HEYL: variants seen among roughly 807,000 people sequenced by gnomAD.
The protein encoded by HEYL is hes related family bHLH transcription factor with YRPW motif like, also known as hairy/enhancer-of-split related with YRPW motif-like protein.
HEYL carries 12 observed loss-of-function variants against 18.6 expected under a neutral mutation model. The observed-to-expected ratio is 0.65, with a 90% CI of 0.41 to 1.05. The LOEUF (loss-of-function observed/expected upper bound fraction) is 1.05. Among genes scored for constraint, HEYL ranks in the 50% least tolerant of loss-of-function variants. The pLI, the probability that HEYL is intolerant of heterozygous loss-of-function variation, is 0.00. For missense variants in HEYL, 420 were observed against 444.7 expected (o/e 0.94, Z 0.50); for synonymous variants, 159 against 179.6 (o/e 0.89, Z 0.91).
chr1:39,633,714 A>T (rs997955222), intron 1 of HEYL: 1 of 152,438 alleles, frequency 6.6e-6, no homozygotes, highest in Non-Finnish European at 1.5e-5. Context: ...ACATCTGAAC[A>T]GGAATCTGCA....
At chr1:39,636,582 C>T (rs1056695429) in intron 1 of HEYL, among the ~76,000 whole-genome samples, 1 of 152,176 alleles carries the variant, frequency 6.6e-6, no homozygotes, top group African/African-American at 2.4e-5. Flanking sequence ...GGCTTTTAAT[C>T]TGGGGCTTTT....
chr1:39,633,153 C>G (rs1646344417), intron 1 of HEYL: 1 of 980,822 alleles, frequency 1.0e-6, no homozygotes, highest in South Asian at 4.7e-5. Context: ...CCGGGCGCGC[C>G]GGCCGCCCGC....
Position 39,626,408 on chromosome 1 carries a change from G to T in HEYL, c.*99C>A. 8.8e-7 allele frequency: 1 copy of T among 1,130,620 alleles called. No homozygotes were observed. The highest frequency in any genetic ancestry group is 1.2e-6 in the Non-Finnish European group (1 of 816,130). 70.0% of individuals were successfully genotyped at this position (1,130,620 alleles called of 1,614,324 possible). A position where few individuals can be genotyped will look rare whatever the true frequency, so the allele number is the denominator to read the frequency against. On this transcript the variant is annotated 3_prime_UTR_variant, in exon 5 of 5. Transcript: ENST00000372852. ...CTGGAGAACGTGCCTTCACATATGA[G>T]CCAGTCCATGAAGCAAAGCAGAAAA...
intron 1 of HEYL, among the ~76,000 whole-genome samples, chr1:39,638,146 G>T (rs1348084829): frequency 6.6e-6 from 1 of 152,192 alleles, no homozygotes; most frequent in Non-Finnish European, 1.5e-5. Context: ...GTTGCATAGC[G>T]AGTTGTGTTA....
rs1231180254 is a variant in HEYL at position 39,625,923 on chromosome 1, G to C, written c.*584C>G. The C allele has an allele frequency of 6.5e-6, 1 of 152,760 alleles. No individual in the cohort carries two copies. The highest frequency in any genetic ancestry group is 1.5e-5 in the Non-Finnish European group (1 of 68,448). 9.5% of individuals were successfully genotyped at this position (152,760 alleles called of 1,614,324 possible). ...CCAGGCCTTGGCTGTGGTGGAGAAA[G>C]GGTCTGTCCTGTGGTTCAGTGTGAT... is the stretch of plus-strand genomic sequence containing the variant. On this transcript the variant is annotated 3_prime_UTR_variant, in exon 5 of 5. Coordinates refer to ENST00000372852, the MANE Select transcript of HEYL (RefSeq NM_014571.4).
intron 3 of HEYL, among the ~76,000 whole-genome samples, chr1:39,631,058 A>G (rs1293960183): frequency 2.6e-5 from 4 of 152,176 alleles, no homozygotes; most frequent in African/African-American, 9.7e-5. Context: ...TCCCCCACCT[A>G]ACATGCTCAA....
intron 1 of HEYL, among the ~76,000 whole-genome samples, chr1:39,638,670 C>G (rs1174241028): frequency 2.0e-5 from 3 of 152,228 alleles, no homozygotes; most frequent in Admixed American, 6.5e-5. Context: ...GGACCCAGGT[C>G]TGCAGACTCC....
rs558009686 is a variant in HEYL at position 39,627,926 on chromosome 1, G to GA, written c.314-747dup. 1.4e-4 allele frequency among the ~76,000 whole-genome samples: 21 copies of GA among 152,338 alleles called. 1 individual carries two copies. In the East Asian group the frequency reaches 3.9e-3, roughly 28 times the overall value. ...GTCCCTTGGCTCAAAAGGCAATCTG[G>GA]AAAGCAAGACCCCACTGTGATCCTC... is the stretch of plus-strand genomic sequence containing the variant. On this transcript the variant is annotated intron_variant, in intron 4 of 4. Transcript: ENST00000372852.
chr1:39,629,127 C>CA (rs995614540), intron 4 of HEYL, among the ~76,000 whole-genome samples: 56 of 152,330 alleles, frequency 3.7e-4, no homozygotes, highest in African/African-American at 1.3e-3. Flanking sequence ...CATTAGTTCA[C>CA]AGTCAGAAAA....
intron 4 of HEYL, 114 bp downstream of exon 4, chr1:39,630,113 A>G: frequency 1.2e-6 from 1 of 825,598 alleles, no homozygotes; most frequent in Non-Finnish European, 2.1e-6. Context: ...CCCTCCATTG[A>G]CTGAGCTCCT....
chr1:39,626,800 C>CTGGCAGG lies in HEYL; in HGVS notation c.687_693dup (p.Ala232ProfsTer92). On this transcript the variant is annotated frameshift_variant, in exon 5 of 5. Coordinates refer to ENST00000372852, the MANE Select transcript of HEYL (RefSeq NM_014571.4). LOFTEE classifies it low-confidence loss of function (END_TRUNC). ...CGACTGGGCAGCACATTCCTCCGGG[C>CTGGCAGG]TGGCAGGATGATGCCTGTGGCTCTG... 1 of 1,560,868 alleles carries CTGGCAGG rather than the reference C, an allele frequency of 6.4e-7. No individual in the cohort carries two copies. The highest frequency in any genetic ancestry group is 8.7e-7 in the Non-Finnish European group (1 of 1,152,128).
chr1:39,632,376 T>C (rs1646338193), intron 2 of HEYL, among the ~76,000 whole-genome samples: 1 of 152,232 alleles, frequency 6.6e-6, no homozygotes. Context: ...TCTGCTATTG[T>C]TTAGAGCATT....
Position 39,626,490 on chromosome 1 carries a change from G to A in HEYL, c.*17C>T. 1 of 1,496,842 alleles carries A rather than the reference G, an allele frequency of 6.7e-7. No individual in the cohort carries two copies. The highest frequency in any genetic ancestry group is 8.9e-7 in the Non-Finnish European group (1 of 1,125,204). The allele number at this position is 1,496,842 out of a possible 1,614,324, so 92.7% of individuals were successfully genotyped here. ...GAACCTTCCTTATTCCTTGGGGCGG[G>A]GTGGTGAAGGGGCAGCTCAGAAAGC... On this transcript the variant is annotated 3_prime_UTR_variant, in exon 5 of 5. Transcript: ENST00000372852.
At position 39,630,215 on chromosome 1, in the gene HEYL, G is replaced by C; in HGVS notation, c.313+12C>G. ...TGTATGAATGACGCCTGAAAGAGAA[G>C]AGCATGGGTACCTGTCCCACCAGTG... On this transcript the variant is annotated intron_variant, in intron 4 of 4. Coordinates refer to ENST00000372852, the MANE Select transcript of HEYL (RefSeq NM_014571.4). 6.2e-7 allele frequency: 1 copy of C among 1,610,534 alleles called. No homozygotes were observed. The highest frequency in any genetic ancestry group is 1.3e-5 in the African/African-American group (1 of 74,952).
chr1:39,638,974 A>C (rs966019031), intron 1 of HEYL, among the ~76,000 whole-genome samples: 1 of 152,210 alleles, frequency 6.6e-6, no homozygotes, highest in African/African-American at 2.4e-5. Context: ...GATAGGAGGA[A>C]CATTGGAATT....
rs1372141392 is a variant in HEYL at position 39,632,700 on chromosome 1, C to A, written c.96G>T (p.Pro32=). The change falls in exon 2 of 5, where the codon CCG becomes CCT. Residue 32 remains proline, a synonymous_variant. Transcript: ENST00000372852. ...TCTGCGAAGAGCTGGGGGTGGACAG[C>A]GGCCTGGCCATCTGGCTGGAAAGGA... ...QEGQLSQMAR[P]LSTPSSSQMQ... is the part of the protein sequence containing the mutation. 1.2e-6 allele frequency: 2 copies of A among 1,613,792 alleles called. No homozygotes were observed. The highest frequency in any genetic ancestry group is 1.7e-6 in the Non-Finnish European group (2 of 1,179,876).
chr1:39,638,651 T>C (rs1646371893), intron 1 of HEYL, among the ~76,000 whole-genome samples: 1 of 152,198 alleles, frequency 6.6e-6, no homozygotes, highest in Non-Finnish European at 1.5e-5. Context: ...GGTGGCAGAT[T>C]TGGGGCTGGG....
At position 39,626,489 on chromosome 1, in the gene HEYL, G is replaced by T; in HGVS notation, c.*18C>A. 6.7e-7 allele frequency: 1 copy of T among 1,495,884 alleles called. No individual in the cohort carries two copies. Among genetic ancestry groups the T allele is most frequent in the Non-Finnish European group, 8.9e-7 (1 of 1,124,780 alleles). 92.7% of individuals were successfully genotyped at this position (1,495,884 alleles called of 1,614,324 possible). A position where few individuals can be genotyped will look rare whatever the true frequency, so the allele number is the denominator to read the frequency against. On this transcript the variant is annotated 3_prime_UTR_variant, in exon 5 of 5. Transcript: ENST00000372852. ...AGAACCTTCCTTATTCCTTGGGGCG[G>T]GGTGGTGAAGGGGCAGCTCAGAAAG...
chr1:39,633,613 C>T (rs1646347229), intron 1 of HEYL: 1 of 152,412 alleles, frequency 6.6e-6, no homozygotes, highest in Non-Finnish European at 1.5e-5. Context: ...CCAGCCCTTC[C>T]CTTCCTCAAC....
Sources: gnomAD v4.1 joint callset for allele counts (sites outside exome capture counted in the v4.1 genomes callset) on GRCh38, gnomAD v4.1.1 for gene constraint, MANE v1.5 for transcripts, NCBI Gene and HGNC (gene_info 2026-07-23, HGNC 2026-07-21) for gene names.